The following CRISPLD2 variants were observed in gnomAD, a reference collection of about 807,000 sequenced individuals.
The protein encoded by CRISPLD2 is cysteine rich secretory protein LCCL domain containing 2.
In CRISPLD2, 47 loss-of-function variants were observed where a neutral mutation model predicts 71.1. That is an observed-to-expected ratio of 0.66 (90% CI 0.52 to 0.84). The LOEUF is 0.84. Among genes scored for constraint, CRISPLD2 ranks in the 40% least tolerant of loss-of-function variants. CRISPLD2 has a pLI of 0.00. For missense variants in CRISPLD2, 830 were observed against 651.1 expected (o/e 1.27, Z -2.99); for synonymous variants, 317 against 250.1 (o/e 1.27, Z -2.52).
chr16:84,822,734 A>T (rs1317999532), intron 1 of CRISPLD2, among the ~76,000 whole-genome samples: 1 of 152,140 alleles, frequency 6.6e-6, no homozygotes, highest in Non-Finnish European at 1.5e-5. Context: ...CAGGGACCTA[A>T]AGCACGTTGT....
chr16:84,862,637 G>T (rs1286612051), intron 6 of CRISPLD2, among the ~76,000 whole-genome samples: 1 of 148,470 alleles, frequency 6.7e-6, no homozygotes, highest in Non-Finnish European at 1.5e-5. Flanking sequence ...GGGCATGGCT[G>T]GTCCATGGTG....
chr16:84,903,368 C>A lies in CRISPLD2; in HGVS notation c.1440-3220C>A, dbSNP rs551601820. Among the ~76,000 whole-genome samples the A allele has an allele frequency of 1.8e-4, 28 of 152,060 alleles. 1 individual carries two copies. In the South Asian group the frequency reaches 3.7e-3, roughly 20 times the overall value. ...GAGGCAGGCGGATCATGAGCTCAGG[C>A]GTTTGAGACCAGCCCGGCCAAGAGA... On this transcript the variant is annotated intron_variant, in intron 14 of 14. Transcript: ENST00000262424.
chr16:84,867,434 G>C (rs1917572305), intron 7 of CRISPLD2, among the ~76,000 whole-genome samples: 1 of 152,192 alleles, frequency 6.6e-6, no homozygotes, highest in South Asian at 2.1e-4. Context: ...TCCTGGGTCT[G>C]GACTCAGTTG....
chr16:84,874,323 A>C (rs1278021330), intron 11 of CRISPLD2, among the ~76,000 whole-genome samples: 1 of 152,212 alleles, frequency 6.6e-6, no homozygotes, highest in Non-Finnish European at 1.5e-5. Flanking sequence ...TGAGGCCTCC[A>C]TCTGGGCTTA....
chr16:84,821,224 A>G (rs1476878104), intron 1 of CRISPLD2, among the ~76,000 whole-genome samples: 1 of 152,168 alleles, frequency 6.6e-6, no homozygotes, highest in Non-Finnish European at 1.5e-5. Context: ...AGCCTGCAGA[A>G]CAGGACCGGG....
Position 84,886,211 on chromosome 16 carries a change from C to G in CRISPLD2, c.1306-3019C>G, listed in dbSNP as rs140705168. 1.8e-3 allele frequency among the ~76,000 whole-genome samples: 273 copies of G among 152,222 alleles called. 1 individual carries two copies. Among genetic ancestry groups the G allele is most frequent in the African/African-American group, 6.2e-3 (259 of 41,542 alleles). On this transcript the variant is annotated intron_variant, in intron 13 of 14. Transcript: ENST00000262424. The stretch of plus-strand genomic sequence containing the variant: ...GCCAAATTGGTATTTTCAAAGAGCC[C>G]GCCTCTCTTCATTCCCTCATGCCTG...
At chr16:84,838,989 AGCGAT>A (rs1916702323) in intron 2 of CRISPLD2, 2 of 617,710 alleles carry the variant, frequency 3.2e-6, no homozygotes, top group East Asian at 6.4e-5. Context: ...CCCGGGGTTA[AGCGAT>A]CCTGCTTCAG....
chr16:84,895,561 A>C (rs2071698825), intron 14 of CRISPLD2, among the ~76,000 whole-genome samples: 1 of 152,122 alleles, frequency 6.6e-6, no homozygotes, highest in Non-Finnish European at 1.5e-5. Context: ...ACAAATCAAA[A>C]CGGAGATTGT....
rs1346924479 is a variant in CRISPLD2 at position 84,850,692 on chromosome 16, A to G, written c.608+9A>G. 1.9e-6 allele frequency: 3 copies of G among 1,605,838 alleles called. No homozygotes were observed. In the African/African-American group the frequency reaches 4.0e-5, roughly 21 times the overall value. ...TGCAATTATTCTCCAAAGTAAGACA[A>G]GTTGATGCCGTTGTATGGGGTGGGG... is the stretch of plus-strand genomic sequence containing the variant. On this transcript the variant is annotated intron_variant, in intron 5 of 14. Coordinates refer to ENST00000262424, the MANE Select transcript of CRISPLD2 (RefSeq NM_031476.4).
intron 6 of CRISPLD2, 130 bp downstream of exon 6, chr16:84,854,959 C>G: frequency 2.8e-6 from 2 of 715,108 alleles, no homozygotes; most frequent in Non-Finnish European, 5.0e-6. Context: ...ACGCTCTCAG[C>G]ACATTCCTCC....
intron 14 of CRISPLD2, among the ~76,000 whole-genome samples, chr16:84,901,352 G>T (rs981265959): frequency 6.6e-6 from 1 of 152,126 alleles, no homozygotes; most frequent in African/African-American, 2.4e-5. Context: ...GAAAGACAGG[G>T]TTGAGAGGGA....
At chr16:84,892,690 A>G (rs2071673046) in intron 14 of CRISPLD2, among the ~76,000 whole-genome samples, 1 of 152,112 alleles carries the variant, frequency 6.6e-6, no homozygotes, top group Non-Finnish European at 1.5e-5. Context: ...ACTAAGAGTC[A>G]TTCAGCCAGG....
chr16:84,830,689 A>G (rs1464069976), intron 1 of CRISPLD2, among the ~76,000 whole-genome samples: 1 of 151,970 alleles, frequency 6.6e-6, no homozygotes, highest in Non-Finnish European at 1.5e-5. Context: ...AGCCTGGGCT[A>G]CAGAGTGAGA....
In CRISPLD2 at chr16:84,860,071, A is replaced by G. The variant is rs1457556850; in HGVS notation, c.709+5242A>G. 9.9e-5 allele frequency among the ~76,000 whole-genome samples: 11 copies of G among 110,558 alleles called. No individual in the cohort carries two copies. The Admixed American group carries it at 1.2e-3, about 12-fold the overall frequency. The allele number at this position is 110,558 out of a possible 152,430, so 72.5% of individuals were successfully genotyped here. On this transcript the variant is annotated intron_variant, in intron 6 of 14. Transcript: ENST00000262424. ...ATGACTAATCCACTCTACCATCCCA[A>G]TCTCCCTAAGCCTTTGGATCCACAT...
intron 6 of CRISPLD2, among the ~76,000 whole-genome samples, chr16:84,856,277 C>T (rs914452131): frequency 5.9e-5 from 9 of 152,288 alleles, no homozygotes; most frequent in South Asian, 2.1e-4. Context: ...CTGTATTCCA[C>T]GCATACTCTT....
At chr16:84,901,792 T>C (rs111532563) in intron 14 of CRISPLD2, among the ~76,000 whole-genome samples, 145 of 120,108 alleles carry the variant, frequency 1.2e-3, no homozygotes, top group Non-Finnish European at 1.7e-3. Context: ...TTGCACTTTT[T>C]TTTTTTTTTT....
At chr16:84,867,789 C>A (rs774782590) in intron 7 of CRISPLD2, among the ~76,000 whole-genome samples, 3 of 152,142 alleles carry the variant, frequency 2.0e-5, no homozygotes, top group Non-Finnish European at 4.4e-5. Context: ...TTCCAGGAAT[C>A]CCCAAAATAT....
intron 6 of CRISPLD2, among the ~76,000 whole-genome samples, chr16:84,863,978 AAG>A (rs1212008229): frequency 1.4e-5 from 2 of 148,028 alleles, no homozygotes; most frequent in Non-Finnish European, 3.0e-5. Flanking sequence ...AAAAAAAAGA[AAG>A]AAAGAGAGAG....
chr16:84,827,353 C>T (rs1042852710), intron 1 of CRISPLD2, among the ~76,000 whole-genome samples: 8 of 152,084 alleles, frequency 5.3e-5, no homozygotes, highest in Non-Finnish European at 1.2e-4. Context: ...TTCCCTCCCT[C>T]GAGGGCCCTC....
Sources: gnomAD v4.1 joint callset for allele counts (sites outside exome capture counted in the v4.1 genomes callset) on GRCh38, gnomAD v4.1.1 for gene constraint, MANE v1.5 for transcripts, NCBI Gene and HGNC (gene_info 2026-07-23, HGNC 2026-07-21) for gene names.